AK7: variants seen among roughly 807,000 people sequenced by gnomAD.
AK7 encodes the protein ATP-AMP transphosphorylase 7.
Under a neutral mutation model 96.6 loss-of-function variants are expected in AK7, and 78 were observed. The ratio of observed to expected loss-of-function variants is 0.81; its 90% confidence interval spans 0.67 to 0.97. The LOEUF is 0.97. Among genes scored for constraint, AK7 ranks in the 50% least tolerant of loss-of-function variants. The probability of loss-of-function intolerance (pLI) is 0.00; values close to 1 mark genes in which losing one functional copy is unlikely to be tolerated. For synonymous variants in AK7, 302 were observed against 317.2 expected (o/e 0.95, Z 0.51); for missense variants, 855 against 887.9 (o/e 0.96, Z 0.47).
At chr14:96,392,524 C>T (rs142908504) in intron 1 of AK7, among the ~76,000 whole-genome samples, 1 of 152,372 alleles carries the variant, frequency 6.6e-6, no homozygotes, top group Non-Finnish European at 1.5e-5. Context: ...GAAACTGAGG[C>T]TAAGAGGCAG....
intron 3 of AK7, among the ~76,000 whole-genome samples, chr14:96,406,093 A>T (rs1357472033): frequency 6.6e-6 from 1 of 150,938 alleles, no homozygotes; most frequent in Non-Finnish European, 1.5e-5. Flanking sequence ...TTGCTCTGTC[A>T]CCCAGGCTGG....
At chr14:96,419,916 G>T (rs1417998654) in intron 4 of AK7, among the ~76,000 whole-genome samples, 1 of 150,862 alleles carries the variant, frequency 6.6e-6, no homozygotes, top group Non-Finnish European at 1.5e-5. Context: ...AGCCTCCCGA[G>T]TAGCTGGGAT....
chr14:96,474,168 C>G (rs1006902973), intron 14 of AK7, among the ~76,000 whole-genome samples: 3 of 152,094 alleles, frequency 2.0e-5, no homozygotes, highest in African/African-American at 7.2e-5. Flanking sequence ...CTGAAAAGGG[C>G]CTGCCTGCTC....
intron 7 of AK7, 80 bp from the exon 8 acceptor site, chr14:96,446,437 G>A: frequency 1.7e-6 from 2 of 1,188,506 alleles, no homozygotes; most frequent in South Asian, 1.2e-5. Flanking sequence ...CAGCCATGGG[G>A]GTGGTGGTCA....
rs1207015942 is a variant in AK7 at position 96,478,540 on chromosome 14, C to T, written c.1631C>T (p.Ala544Val). 8.7e-6 allele frequency: 14 copies of T among 1,613,976 alleles called. No homozygotes were observed. The highest frequency in any genetic ancestry group is 2.2e-5 in the East Asian group (1 of 44,898). ...RVINLPESIV[A>V]GTHYSQDRFL... is the part of the protein sequence containing the mutation. ...ATAAACCTTCCTGAGAGCATCGTGG[C>T]GGGGACCCACTACAGCCAAGACCGA... The change falls in exon 15 of 18, where the codon GCG (alanine) becomes GTG (valine). Residue 544 changes from alanine to valine, a missense_variant. Ala to Val is a moderately conservative substitution (Grantham distance 64). Transcript: ENST00000267584.
chr14:96,439,491 C>T lies in AK7; in HGVS notation c.690+1576C>T, dbSNP rs989538493. On this transcript the variant is annotated intron_variant, in intron 6 of 17. Transcript: ENST00000267584. ...TATCCTGGCTAACACGGAGAAACCC[C>T]GTCTCTACTAAAAATACAAAAAATT... Among the ~76,000 whole-genome samples the T allele has an allele frequency of 5.9e-5, 9 of 152,082 alleles. No homozygotes were observed. The East Asian group carries it at 1.2e-3, about 20-fold the overall frequency.
chr14:96,422,776 CA>C (rs1283580149), intron 5 of AK7, among the ~76,000 whole-genome samples: 6 of 152,192 alleles, frequency 3.9e-5, no homozygotes, highest in South Asian at 2.1e-4. Context: ...GCAATAGTTT[CA>C]GGGGGTCGCC....
chr14:96,424,863 AT>A (rs1236121888), intron 5 of AK7, among the ~76,000 whole-genome samples: 1 of 152,138 alleles, frequency 6.6e-6, no homozygotes, highest in African/African-American at 2.4e-5. Context: ...TTGATCATTT[AT>A]GTTTAATTTA....
intron 1 of AK7, among the ~76,000 whole-genome samples, chr14:96,392,536 G>A (rs1279450398): frequency 6.6e-6 from 1 of 152,244 alleles, no homozygotes; most frequent in South Asian, 2.1e-4. Flanking sequence ...AAGAGGCAGG[G>A]ACTTGCCCAA....
intron 10 of AK7, among the ~76,000 whole-genome samples, chr14:96,453,247 C>T (rs1427491619): frequency 6.6e-6 from 1 of 152,192 alleles, no homozygotes; most frequent in Non-Finnish European, 1.5e-5. Flanking sequence ...CCAACCCAAC[C>T]TCAGAGGTTA....
intron 5 of AK7, among the ~76,000 whole-genome samples, chr14:96,426,645 C>T (rs1041047974): frequency 3.3e-5 from 5 of 152,140 alleles, no homozygotes; most frequent in Non-Finnish European, 5.9e-5. Context: ...AAGTATTTCT[C>T]CTCCATGCTT....
chr14:96,443,931 G>A (rs1318079629), intron 7 of AK7, among the ~76,000 whole-genome samples: 2 of 151,892 alleles, frequency 1.3e-5, no homozygotes, highest in Non-Finnish European at 2.9e-5. Context: ...CCGCCACCAT[G>A]CCTGGCTAAT....
At chr14:96,482,330 T>A (rs998874940) in intron 15 of AK7, among the ~76,000 whole-genome samples, 1 of 152,076 alleles carries the variant, frequency 6.6e-6, no homozygotes, top group African/African-American at 2.4e-5. Flanking sequence ...CAGAGGAAGG[T>A]CTGAAGGGGC....
chr14:96,416,467 G>A (rs921946322), intron 4 of AK7, among the ~76,000 whole-genome samples: 16 of 152,096 alleles, frequency 1.1e-4, no homozygotes, highest in Non-Finnish European at 1.9e-4. Flanking sequence ...AAAGGGCAGG[G>A]GAGATTACTC....
At chr14:96,486,341 G>A (rs1895769894) in intron 16 of AK7, among the ~76,000 whole-genome samples, 1 of 152,168 alleles carries the variant, frequency 6.6e-6, no homozygotes, top group African/African-American at 2.4e-5. Flanking sequence ...AAAAAGACAA[G>A]TCAACAATTT....
chr14:96,469,629 A>G (rs1025478346), intron 12 of AK7, among the ~76,000 whole-genome samples: 4 of 152,310 alleles, frequency 2.6e-5, no homozygotes. Context: ...ACCCCTGTGA[A>G]CCTTACTGGG....
At chr14:96,402,284 G>A (rs892442824) in intron 2 of AK7, among the ~76,000 whole-genome samples, 4 of 151,914 alleles carry the variant, frequency 2.6e-5, no homozygotes, top group Non-Finnish European at 4.4e-5. Flanking sequence ...GTCAAAAGCA[G>A]GGCCCACAAA....
At chr14:96,454,331 A>G (rs546165444) in intron 10 of AK7, among the ~76,000 whole-genome samples, 1 of 152,236 alleles carries the variant, frequency 6.6e-6, no homozygotes, top group South Asian at 2.1e-4. Flanking sequence ...ATAAATAACT[A>G]TATGTTACTG....
chr14:96,463,613 G>A (rs900706154), intron 12 of AK7, among the ~76,000 whole-genome samples: 5 of 151,370 alleles, frequency 3.3e-5, no homozygotes, highest in African/African-American at 7.3e-5. Context: ...CCAGCTACTC[G>A]GGAGGCTGAG....
Sources: allele counts gnomAD v4.1 joint callset (sites outside exome capture counted in the v4.1 genomes callset), GRCh38; gene constraint gnomAD v4.1.1; transcripts MANE v1.5; gene names NCBI Gene and HGNC (gene_info 2026-07-23, HGNC 2026-07-21).